The following NALCN variants were observed in gnomAD, a reference collection of about 807,000 sequenced individuals.
NALCN encodes the protein sodium leak channel, non-selective, also known as sodium leak channel NALCN.
In NALCN, 111 loss-of-function variants were observed where a neutral mutation model predicts 225.3. The ratio of observed to expected loss-of-function variants is 0.49; its 90% CI spans 0.42 to 0.58. The LOEUF (loss-of-function observed/expected upper bound fraction) is 0.58. Ranked by LOEUF, NALCN falls within the 20% of genes least tolerant of loss-of-function variation. The probability of loss-of-function intolerance (pLI) is 0.00; values close to 1 mark genes in which losing one functional copy is unlikely to be tolerated. For synonymous variants in NALCN, 764 were observed against 769.0 expected, an observed-to-expected ratio of 0.99 and a Z score of 0.11; for missense variants, 1,378 against 2,202.4, an observed-to-expected ratio of 0.63 and a Z score of 7.49.
intron 17 of NALCN, among the ~76,000 whole-genome samples, chr13:101,128,853 G>GCA (rs71677574): frequency 0.078 from 11,809 of 152,006 alleles, 625 homozygotes; most frequent in African/African-American, 0.16. Context: ...GTAAGCCACC[G>GCA]CACCCAGCCA....
In NALCN at chr13:101,364,074, G is replaced by A. The variant is rs78957496; in HGVS notation, c.644+12626C>T. ...TAAAATGGCTTTTATAAAAAAGACA[G>A]TGAGTGCTGGTGAGAATGTAGAGAA... On this transcript the variant is annotated intron_variant, in intron 6 of 43. Transcript: ENST00000251127. 4.1e-3 allele frequency among the ~76,000 whole-genome samples: 618 copies of A among 152,090 alleles called. 2 individuals are homozygous for A. Among genetic ancestry groups the A allele is most frequent in the African/African-American group, 0.015 (603 of 41,540 alleles).
At chr13:101,137,508 T>C (rs1333205054) in intron 17 of NALCN, among the ~76,000 whole-genome samples, 1 of 152,058 alleles carries the variant, frequency 6.6e-6, no homozygotes, top group Non-Finnish European at 1.5e-5. Flanking sequence ...ATATAGAACA[T>C]TATAAAATGC....
rs773608366 is a variant in NALCN at position 101,292,520 on chromosome 13, G to C, written c.800-154C>G. 5.3e-5 allele frequency among the ~76,000 whole-genome samples: 8 copies of C among 152,102 alleles called. No homozygotes were observed. The highest frequency in any genetic ancestry group is 1.0e-4 in the Non-Finnish European group (7 of 68,022). ...AGAATCACATGCAACACATTTTACT[G>C]TTCTCTTAAAATTTTAATAAAGTTG... On this transcript the variant is annotated intron_variant, in intron 7 of 43. Coordinates refer to ENST00000251127, the MANE Select transcript of NALCN (RefSeq NM_052867.4). This position sits in a 1 kb window ranked among gnomAD's most constrained non-coding sequence, Gnocchi z 4.3.
Position 101,135,489 on chromosome 13 carries a change from C to T in NALCN, c.2118+7591G>A, listed in dbSNP as rs1297440149. 8.5e-5 allele frequency among the ~76,000 whole-genome samples: 13 copies of T among 152,318 alleles called. No individual in the cohort carries two copies. The South Asian group carries it at 1.2e-3, about 15-fold the overall frequency. On this transcript the variant is annotated intron_variant, in intron 17 of 43. Coordinates refer to ENST00000251127, the MANE Select transcript of NALCN (RefSeq NM_052867.4). ...TCTTGGCTCACTGCAACCTCCGCCC[C>T]CTGGGCTCAAGCAATTCTCATGCCT...
chr13:101,358,155 T>A (rs573127677), intron 6 of NALCN, among the ~76,000 whole-genome samples: 7 of 152,154 alleles, frequency 4.6e-5, no homozygotes, highest in Non-Finnish European at 7.3e-5. Context: ...CTAAAAGCAA[T>A]GGCAAGAAAA....
At chr13:101,363,017 G>A (rs1165048173) in intron 6 of NALCN, among the ~76,000 whole-genome samples, 5 of 151,926 alleles carry the variant, frequency 3.3e-5, no homozygotes, top group African/African-American at 4.8e-5. Context: ...AAATGCCTAG[G>A]AATAATTGTG....
intron 7 of NALCN, among the ~76,000 whole-genome samples, chr13:101,306,615 G>A (rs2044161164): frequency 6.6e-6 from 1 of 152,132 alleles, no homozygotes. Flanking sequence ...GGACACCATC[G>A]TCCTCCACCT....
intron 13 of NALCN, among the ~76,000 whole-genome samples, chr13:101,196,871 G>A (rs763773194): frequency 6.6e-5 from 10 of 152,122 alleles, no homozygotes; most frequent in African/African-American, 1.4e-4. Flanking sequence ...CTGTATGGGC[G>A]AATAGGACAA....
chr13:101,177,432 T>TATATATATATATATATATATATA (rs2039007479), intron 14 of NALCN, among the ~76,000 whole-genome samples: 2 of 147,362 alleles, frequency 1.4e-5, no homozygotes, highest in South Asian at 2.1e-4. Flanking sequence ...TATATATATA[T>TATATATATATATATATATATATA]GGTAGAAGCT....
In NALCN at chr13:101,275,789, C is replaced by A. The variant is rs114248305; in HGVS notation, c.1134+8144G>T. Among the ~76,000 whole-genome samples the A allele has an allele frequency of 1.2e-3, 177 of 152,112 alleles. 1 individual carries two copies. The highest frequency in any genetic ancestry group is 4.1e-3 in the African/African-American group (170 of 41,474). On this transcript the variant is annotated intron_variant, in intron 10 of 43. Transcript: ENST00000251127. Reference sequence around the variant, plus strand: ...TATGTTCCTAGGCTTTTCTTTTTCACCACGAGTCATCTTGTCCCCACAGTA... The same window carrying A: ...TATGTTCCTAGGCTTTTCTTTTTCAACACGAGTCATCTTGTCCCCACAGTA...
At position 101,397,083 on chromosome 13, in the gene NALCN, TATATATATATATATATATATATATATAC is replaced by T. The variant is rs1274635675; in HGVS notation, c.109-1746_109-1719del. On this transcript the variant is annotated intron_variant, in intron 2 of 43. Transcript: ENST00000251127. ...TGAATGTATTATATATATATATATA[TATATATATATATATATATATATATATAC>T]ATACACATACATATATATAATGTGT... Among the ~76,000 whole-genome samples the T allele has an allele frequency of 1.6e-3, 94 of 56,970 alleles. 3 individuals carry two copies. Among genetic ancestry groups the T allele is most frequent in the East Asian group, 2.6e-3 (2 of 774 alleles). 37.4% of individuals were successfully genotyped at this position (56,970 alleles called of 152,430 possible). A position where few individuals can be genotyped will look rare whatever the true frequency, so the allele number is the denominator to read the frequency against.
At chr13:101,373,739 A>G (rs1244126173) in intron 6 of NALCN, among the ~76,000 whole-genome samples, 1 of 152,172 alleles carries the variant, frequency 6.6e-6, no homozygotes, top group Non-Finnish European at 1.5e-5. Flanking sequence ...CCCGTACCTC[A>G]TAAGAAATAC....
chr13:101,145,688 C>T (rs1047482044), intron 15 of NALCN, among the ~76,000 whole-genome samples: 2 of 152,156 alleles, frequency 1.3e-5, no homozygotes, highest in African/African-American at 4.8e-5. Context: ...CCAGTGCCGA[C>T]GTCTCTTGGA....
At chr13:101,112,688 C>A (rs1162168342) in intron 18 of NALCN, among the ~76,000 whole-genome samples, 1 of 152,152 alleles carries the variant, frequency 6.6e-6, no homozygotes, top group African/African-American at 2.4e-5. Flanking sequence ...TTGCTCAACA[C>A]CTGAACACAC....
chr13:101,377,056 C>T lies in NALCN; in HGVS notation c.376G>A (p.Val126Met). 6.2e-7 allele frequency: 1 copy of T among 1,614,056 alleles called. No homozygotes were observed. The highest frequency in any genetic ancestry group is 8.5e-7 in the Non-Finnish European group (1 of 1,179,984). ...FCLWVSLVLQVFEIADIVDQM... is the reference protein window; with the variant it reads ...FCLWVSLVLQMFEIADIVDQM... ...TCAACTATATCAGCAATTTCAAACA[C>T]CTACAAATTAAAAGATGGGTAAATG... Residue 126 changes from valine (V) to methionine (M), a missense_variant and splice_region_variant, in exon 5 of 44, where the codon GTG becomes ATG. Physicochemically the swap from Val to Met is conservative, Grantham distance 21 (BLOSUM62 1). This residue lies in a region of NALCN where 146 missense variants were observed against 205.9 expected (regional missense o/e 0.71). Coordinates refer to ENST00000251127, the MANE Select transcript of NALCN (RefSeq NM_052867.4).
At chr13:101,142,943 T>C (rs747154125) in intron 17 of NALCN, 137 bp downstream of exon 17, 2 of 1,239,904 alleles carry the variant, frequency 1.6e-6, no homozygotes, top group Non-Finnish European at 2.3e-6. Context: ...TTTCATGATA[T>C]CTTTTACAAA....
rs1262191156 is a variant in NALCN at position 101,206,719 on chromosome 13, GT to G, written c.1627-14666del. 5.1e-5 allele frequency among the ~76,000 whole-genome samples: 7 copies of G among 137,616 alleles called. No individual in the cohort carries two copies. In the South Asian group the frequency reaches 7.0e-4, roughly 14 times the overall value. 90.3% of individuals were successfully genotyped at this position (137,616 alleles called of 152,430 possible). The stretch of plus-strand genomic sequence containing the variant: ...AAGCATAAAATAATTCAAACAACAG[GT>G]TTTTTAAATATATATATATATATAT... On this transcript the variant is annotated intron_variant, in intron 13 of 43. Coordinates refer to ENST00000251127, the MANE Select transcript of NALCN (RefSeq NM_052867.4).
intron 27 of NALCN, among the ~76,000 whole-genome samples, chr13:101,099,636 C>T (rs956319643): frequency 1.2e-4 from 19 of 152,256 alleles, no homozygotes; most frequent in African/African-American, 4.6e-4. Flanking sequence ...TATGATATTA[C>T]AAAAATTGTC....
At chr13:101,206,142 C>T (rs2040303440) in intron 13 of NALCN, among the ~76,000 whole-genome samples, 1 of 151,912 alleles carries the variant, frequency 6.6e-6, no homozygotes. Context: ...TCCTCATGCC[C>T]AATACTTAAT....
Sources: gnomAD v4.1 joint callset for allele counts (sites outside exome capture counted in the v4.1 genomes callset) on GRCh38, gnomAD v4.1.1 for gene constraint, gnomAD v4.1.1 regional missense constraint, Gnocchi (gnomAD v3.1) non-coding constraint, MANE v1.5 for transcripts, NCBI Gene and HGNC (gene_info 2026-07-23, HGNC 2026-07-21) for gene names.